Variants in FTO observed in about 807,000 individuals in gnomAD.
FTO encodes FTO alpha-ketoglutarate dependent dioxygenase.
Under a neutral mutation model 63.9 loss-of-function variants are expected in FTO, and 47 were observed. That is an observed-to-expected ratio of 0.74 (90% CI 0.58 to 0.94). The LOEUF is 0.94. FTO is among the 40% of genes least tolerant of loss of function. FTO has a pLI of 0.00. For missense variants in FTO, 562 were observed against 618.1 expected (o/e 0.91, Z 0.96); for synonymous variants, 207 against 224.4 (o/e 0.92, Z 0.69).
chr16:53,895,658 G>A (rs2081262813), intron 7 of FTO, among the ~76,000 whole-genome samples: 1 of 152,204 alleles, frequency 6.6e-6, no homozygotes, highest in African/African-American at 2.4e-5. Flanking sequence ...GAGCAAACCA[G>A]TGGGTAGGAC....
intron 6 of FTO, among the ~76,000 whole-genome samples, chr16:53,882,771 C>T (rs1040515600): frequency 6.6e-6 from 1 of 152,290 alleles, no homozygotes; most frequent in African/African-American, 2.4e-5. Flanking sequence ...GAAATAATGT[C>T]GTCTCCCATG....
intron 8 of FTO, among the ~76,000 whole-genome samples, chr16:53,963,174 T>C (rs1367384321): frequency 6.6e-6 from 1 of 152,170 alleles, no homozygotes; most frequent in Non-Finnish European, 1.5e-5. Context: ...AATGATACCA[T>C]AATAACACAA....
At chr16:54,075,376 G>A (rs188842312) in intron 8 of FTO, among the ~76,000 whole-genome samples, 92 of 152,262 alleles carry the variant, frequency 6.0e-4, no homozygotes, top group Non-Finnish European at 6.3e-4. Flanking sequence ...TCCAGCTCTC[G>A]TTAACTATCC....
rs768476485 is a variant in FTO at position 53,826,412 on chromosome 16, G to A, written c.672G>A (p.Gly224=). ...AAGAGGAACCTTATTTTGGCATGGG[G>A]AAAATGGCAGTGAGCTGGCATCATG... ...YLKEEPYFGM[G]KMAVSWHHDE... is the part of the protein sequence containing the mutation. The change falls in exon 3 of 9, where the codon GGG becomes GGA. Residue 224 remains glycine (G), a synonymous_variant. Coordinates refer to ENST00000471389, the MANE Select transcript of FTO (RefSeq NM_001080432.3). 1.2e-6 allele frequency: 2 copies of A among 1,614,180 alleles called. No homozygotes were observed. Among genetic ancestry groups the A allele is most frequent in the Non-Finnish European group, 1.7e-6 (2 of 1,180,028 alleles).
chr16:53,762,584 G>C (rs1024204316), intron 1 of FTO, among the ~76,000 whole-genome samples: 2 of 152,124 alleles, frequency 1.3e-5, no homozygotes, highest in African/African-American at 4.8e-5. Context: ...ATGCGAGGGT[G>C]GGGAGGAGAG....
intron 4 of FTO, among the ~76,000 whole-genome samples, chr16:53,867,017 G>T (rs1017007075): frequency 6.6e-6 from 1 of 151,900 alleles, no homozygotes; most frequent in Non-Finnish European, 1.5e-5. Context: ...TACATTTGTG[G>T]CATTTAATGC....
intron 8 of FTO, among the ~76,000 whole-genome samples, chr16:54,096,466 C>T (rs2086518757): frequency 6.6e-6 from 1 of 152,182 alleles, no homozygotes; most frequent in Non-Finnish European, 1.5e-5. Context: ...CATCCATAGG[C>T]AAATGGAGCA....
chr16:53,856,443 G>A (rs1168208563), intron 4 of FTO, among the ~76,000 whole-genome samples: 1 of 151,382 alleles, frequency 6.6e-6, no homozygotes, highest in Non-Finnish European at 1.5e-5. Context: ...GCTTTGACTA[G>A]TTTTATAAAT....
intron 1 of FTO, among the ~76,000 whole-genome samples, chr16:53,798,855 A>G (rs2078147421): frequency 6.6e-6 from 1 of 152,190 alleles, no homozygotes; most frequent in Non-Finnish European, 1.5e-5. Context: ...GGGTAAAATC[A>G]TTCACTCTTT....
chr16:53,963,240 T>G (rs1313398844), intron 8 of FTO, among the ~76,000 whole-genome samples: 1 of 152,170 alleles, frequency 6.6e-6, no homozygotes, highest in Non-Finnish European at 1.5e-5. Context: ...GAACTAATTC[T>G]CCATGTTTCT....
intron 8 of FTO, among the ~76,000 whole-genome samples, chr16:53,939,622 C>G (rs1339098159): frequency 1.3e-5 from 2 of 152,228 alleles, no homozygotes; most frequent in African/African-American, 4.8e-5. Flanking sequence ...CTCCATTCCC[C>G]CTTCTCCCCA....
intron 1 of FTO, among the ~76,000 whole-genome samples, chr16:53,715,738 C>A (rs891540384): frequency 6.6e-6 from 1 of 152,126 alleles, no homozygotes; most frequent in African/African-American, 2.4e-5. Flanking sequence ...GTAAAATTCC[C>A]ATTTTTTTCA....
At chr16:54,038,696 C>T (rs879873403) in intron 8 of FTO, among the ~76,000 whole-genome samples, 1 of 152,106 alleles carries the variant, frequency 6.6e-6, no homozygotes, top group Non-Finnish European at 1.5e-5. Flanking sequence ...GTTTAAAGAG[C>T]CTGGCACCTC....
chr16:53,976,706 T>G (rs1405397759), intron 8 of FTO, among the ~76,000 whole-genome samples: 1 of 152,146 alleles, frequency 6.6e-6, no homozygotes, highest in Non-Finnish European at 1.5e-5. Context: ...TTAACATGTT[T>G]TATTTCTTCA....
At chr16:53,917,099 C>T (rs752590656) in intron 7 of FTO, among the ~76,000 whole-genome samples, 5 of 152,166 alleles carry the variant, frequency 3.3e-5, no homozygotes, top group Non-Finnish European at 5.9e-5. Flanking sequence ...ATCATTAACC[C>T]CAATTCTGCC....
At chr16:53,755,285 T>C (rs1255050162) in intron 1 of FTO, among the ~76,000 whole-genome samples, 2 of 152,108 alleles carry the variant, frequency 1.3e-5, no homozygotes, top group African/African-American at 4.8e-5. Flanking sequence ...TGGGAGGCGA[T>C]TGGGCTGCAG....
intron 1 of FTO, among the ~76,000 whole-genome samples, chr16:53,793,795 TA>T (rs934111366): frequency 2.7e-4 from 41 of 151,864 alleles, no homozygotes; most frequent in Non-Finnish European, 5.9e-4. Context: ...AAATGAGAAA[TA>T]AAAAAAATTC....
chr16:53,746,076 A>G (rs969698832), intron 1 of FTO, among the ~76,000 whole-genome samples: 1 of 152,164 alleles, frequency 6.6e-6, no homozygotes, highest in Admixed American at 6.5e-5. Context: ...TTCTCTATGC[A>G]ACTCCTAAGT....
intron 8 of FTO, among the ~76,000 whole-genome samples, chr16:53,971,212 T>C (rs1485396212): frequency 6.6e-5 from 10 of 152,224 alleles, no homozygotes; most frequent in Admixed American, 6.5e-4. Flanking sequence ...TGATTTAACA[T>C]AGTTATAAGT....
Sources: gnomAD v4.1 joint callset for allele counts (sites outside exome capture counted in the v4.1 genomes callset) on GRCh38, gnomAD v4.1.1 for gene constraint, MANE v1.5 for transcripts, NCBI Gene and HGNC (gene_info 2026-07-23, HGNC 2026-07-21) for gene names.